The following LRRC42 variants were observed in gnomAD, a reference collection of about 807,000 sequenced individuals.
The protein encoded by LRRC42 is leucine rich repeat containing 42, also known as leucine-rich repeat-containing protein 42.
A neutral mutation model predicts 44.3 loss-of-function variants in LRRC42; 43 were observed. The ratio of observed to expected loss-of-function variants is 0.97; its 90% CI spans 0.76 to 1.25. LRRC42 has a LOEUF of 1.25. Among genes scored for constraint, LRRC42 ranks in the 50% most tolerant of loss-of-function variants. The pLI is 0.00. For synonymous variants in LRRC42, 207 were observed against 195.2 expected (o/e 1.06, Z -0.50); for missense variants, 540 against 509.1 (o/e 1.06, Z -0.58).
chr1:53,957,044 A>G lies in LRRC42; in HGVS notation c.474-1105A>G, dbSNP rs1654860663. ...TAAGGGGGTATCAGTGCCTCAGACCATCTGTACCTAGCTGTCAGGCTGGTG... is the reference window on the plus strand; with the variant it reads ...TAAGGGGGTATCAGTGCCTCAGACCGTCTGTACCTAGCTGTCAGGCTGGTG... On this transcript the variant is annotated intron_variant, in intron 3 of 8. Transcript: ENST00000371370. 2.6e-5 allele frequency among the ~76,000 whole-genome samples: 4 copies of G among 152,232 alleles called. No individual in the cohort carries two copies. The South Asian group carries it at 8.3e-4, about 32-fold the overall frequency.
At chr1:53,967,551 A>G (rs1490098513) in intron 8 of LRRC42, 114 bp from the exon 9 acceptor site, 18 of 1,014,714 alleles carry the variant, frequency 1.8e-5, no homozygotes, top group Non-Finnish European at 2.7e-5. Flanking sequence ...AATGCAATCA[A>G]TGCAGATATC....
chr1:53,962,610 C>G (rs1655028844), intron 7 of LRRC42, among the ~76,000 whole-genome samples: 1 of 152,198 alleles, frequency 6.6e-6, no homozygotes, highest in Non-Finnish European at 1.5e-5. Flanking sequence ...ATCTCATGCT[C>G]TGGTCACTAG....
chr1:53,956,805 A>G (rs1414890924), intron 3 of LRRC42, among the ~76,000 whole-genome samples: 3 of 152,220 alleles, frequency 2.0e-5, no homozygotes, highest in Non-Finnish European at 4.4e-5. Flanking sequence ...CAGAATTACT[A>G]AAAATCTTTT....
Position 53,968,101 on chromosome 1 carries a change from T to G in LRRC42, c.*162T>G. ...GGGAGGGGAATGCTATGGAAGTATG[T>G]AATAATTTCTAATGTATATTTTCAA... On this transcript the variant is annotated 3_prime_UTR_variant, in exon 9 of 9. Coordinates refer to ENST00000371370, the MANE Select transcript of LRRC42 (RefSeq NM_001256409.2). The G allele has an allele frequency of 3.1e-6, 2 of 653,084 alleles. No homozygotes were observed. The highest frequency in any genetic ancestry group is 5.1e-6 in the Non-Finnish European group (2 of 388,628). 40.5% of individuals were successfully genotyped at this position (653,084 alleles called of 1,614,324 possible).
intron 3 of LRRC42, among the ~76,000 whole-genome samples, chr1:53,954,736 T>A (rs1480218640): frequency 6.6e-6 from 1 of 152,250 alleles, no homozygotes; most frequent in Non-Finnish European, 1.5e-5. Context: ...GTCTGGATAC[T>A]GTTGTAGTGG....
rs1232172099 is a variant in LRRC42, at chr1:53,947,837, T to G, written c.-15+16T>G. On this transcript the variant is annotated intron_variant, in intron 2 of 8. Coordinates refer to ENST00000371370, the MANE Select transcript of LRRC42 (RefSeq NM_001256409.2). ...GATCGAACAGGTGGGTGAGATTAAT[T>G]TTTCACATTTTTTTTATCCTTAAGG... is the stretch of plus-strand genomic sequence containing the variant. 6.6e-6 allele frequency: 1 copy of G among 152,142 alleles called. No individual in the cohort carries two copies. Among genetic ancestry groups the G allele is most frequent in the Non-Finnish European group, 1.5e-5 (1 of 68,028 alleles). The allele number at this position is 152,142 out of a possible 1,614,324, so 9.4% of individuals were successfully genotyped here.
chr1:53,957,510 G>A (rs186916113), intron 3 of LRRC42, among the ~76,000 whole-genome samples: 2 of 152,322 alleles, frequency 1.3e-5, no homozygotes, highest in African/African-American at 4.8e-5. Flanking sequence ...GCAAGGTGCT[G>A]CAATGTAATT....
chr1:53,956,935 T>A (rs1163857346), intron 3 of LRRC42, among the ~76,000 whole-genome samples: 1 of 152,342 alleles, frequency 6.6e-6, no homozygotes, highest in East Asian at 1.9e-4. Flanking sequence ...TTATTTACAA[T>A]GCAATTAAAA....
In LRRC42 at chr1:53,953,883, C is replaced by G. The variant is rs560500573; in HGVS notation, c.473+1411C>G. On this transcript the variant is annotated intron_variant, in intron 3 of 8. Coordinates refer to ENST00000371370, the MANE Select transcript of LRRC42 (RefSeq NM_001256409.2). ...AGTAGCTGGGATTACAGGTGCCCAC[C>G]ACCATGCCTGGCTAATTTTGTGTCT... Among the ~76,000 whole-genome samples, 613 of 152,204 alleles carry G rather than the reference C, an allele frequency of 4.0e-3. 1 individual carries two copies. Among genetic ancestry groups the G allele is most frequent in the Non-Finnish European group, 6.9e-3 (466 of 68,008 alleles).
At chr1:53,965,845 T>G (rs1655116928) in intron 7 of LRRC42, among the ~76,000 whole-genome samples, 1 of 152,216 alleles carries the variant, frequency 6.6e-6, no homozygotes, top group Non-Finnish European at 1.5e-5. Flanking sequence ...AAGTAAAAAC[T>G]GATCATGGTA....
At chr1:53,960,567 A>G (rs1338272458) in intron 5 of LRRC42, 93 bp downstream of exon 5, 1 of 961,690 alleles carries the variant, frequency 1.0e-6, no homozygotes, top group Admixed American at 2.5e-5. Context: ...GAGGTGAGAA[A>G]GGAAAGGTGA....
chr1:53,953,606 G>A (rs1330047881), intron 3 of LRRC42, among the ~76,000 whole-genome samples: 3 of 151,988 alleles, frequency 2.0e-5, no homozygotes, highest in Admixed American at 6.5e-5. Context: ...TGATCCTCCC[G>A]CCTCAGCCTC....
In LRRC42 at chr1:53,952,231, C is replaced by T. The variant is rs370907020; in HGVS notation, c.232C>T (p.Arg78Ter). The change falls in exon 3 of 9, where the codon CGA (arginine) becomes TGA (stop). Residue 78 changes from arginine to a stop codon, truncating the protein, a stop_gained. Transcript: ENST00000371370. LOFTEE classifies it high-confidence loss of function. ...KTDHFIFTYT[R>*]EGNLRYSAKS... ...TGATCATTTCATCTTCACATACACC[C>T]GAGAGGGGAATCTTCGGTACTCCGC... 2.2e-5 allele frequency: 36 copies of T among 1,614,126 alleles called. No individual in the cohort carries two copies. Among genetic ancestry groups the T allele is most frequent in the Middle Eastern group, 1.6e-4 (1 of 6,084 alleles).
chr1:53,954,690 C>T (rs1303893020), intron 3 of LRRC42, among the ~76,000 whole-genome samples: 1 of 152,156 alleles, frequency 6.6e-6, no homozygotes, highest in Non-Finnish European at 1.5e-5. Flanking sequence ...TTAATATTTG[C>T]CATGCTGTTG....
At chr1:53,956,833 A>T (rs1487709178) in intron 3 of LRRC42, among the ~76,000 whole-genome samples, 1 of 152,228 alleles carries the variant, frequency 6.6e-6, no homozygotes, top group African/African-American at 2.4e-5. Flanking sequence ...TGATCAAAGT[A>T]TATGTGTTTT....
intron 2 of LRRC42, among the ~76,000 whole-genome samples, chr1:53,948,312 A>T (rs749798655): frequency 3.9e-5 from 6 of 152,222 alleles, no homozygotes; most frequent in Non-Finnish European, 8.8e-5. Flanking sequence ...TGGCATAGTC[A>T]TGCTTTTTGC....
chr1:53,947,162 G>A (rs375838809), intron 1 of LRRC42, among the ~76,000 whole-genome samples: 6 of 152,070 alleles, frequency 3.9e-5, no homozygotes, highest in African/African-American at 1.4e-4. Context: ...TGGGAGATCG[G>A]AGGTTGGAAG....
Position 53,952,088 on chromosome 1 carries a change from C to T in LRRC42, c.89C>T (p.Ala30Val), listed in dbSNP as rs1485632886. ...ENGQLHMVNLALDGVRSSLQK... is the reference protein window; with the variant it reads ...ENGQLHMVNLVLDGVRSSLQK... ...GGGCAGCTGCACATGGTCAATCTGG[C>T]TCTGGATGGTGTCAGGAGTAGCCTG... Residue 30 changes from alanine to valine, a missense_variant, in exon 3 of 9, where the codon GCT (alanine) becomes GTT (valine). Ala to Val is a moderately conservative substitution (Grantham distance 64). Transcript: ENST00000371370. The T allele has an allele frequency of 1.2e-6, 2 of 1,614,108 alleles. No homozygotes were observed. The highest frequency in any genetic ancestry group is 3.3e-5 in the Admixed American group (2 of 60,002).
chr1:53,959,786 G>GTA (rs771092371), intron 4 of LRRC42, among the ~76,000 whole-genome samples: 2 of 152,118 alleles, frequency 1.3e-5, no homozygotes, highest in Non-Finnish European at 2.9e-5. Context: ...TTGTTTTAAA[G>GTA]TATATTTATC....
Sources: allele counts gnomAD v4.1 joint callset (sites outside exome capture counted in the v4.1 genomes callset), GRCh38; gene constraint gnomAD v4.1.1; transcripts MANE v1.5; gene names NCBI Gene and HGNC (gene_info 2026-07-23, HGNC 2026-07-21).